The following TLR1 variants were observed in gnomAD, a reference collection of about 807,000 sequenced individuals.
TLR1 encodes toll like receptor 1.
In TLR1, 19 loss-of-function variants were observed where a neutral mutation model predicts 20.2. The ratio of observed to expected loss-of-function variants is 0.94; its 90% CI spans 0.66 to 1.38. The LOEUF (loss-of-function observed/expected upper bound fraction) is 1.38, where lower values mean the gene tolerates loss of function less well. Among genes scored for constraint, TLR1 ranks in the 40% most tolerant of loss-of-function variants. The pLI, the probability that TLR1 is intolerant of heterozygous loss-of-function variation, is 0.00. For synonymous variants in TLR1, 320 were observed against 334.5 expected (o/e 0.96, Z 0.47); for missense variants, 921 against 910.0 (o/e 1.01, Z -0.16).
At chr4:38,789,005 C>T (rs372382728), downstream of TLR1, among the ~76,000 whole-genome samples, 3 of 151,994 alleles carry the variant, frequency 2.0e-5, no homozygotes, top group Admixed American at 6.6e-5. Context: ...GACTCTATCT[C>T]TAAAATAAAT....
chr4:38,805,451 G>C (rs942277761), upstream of TLR1: 2 of 152,138 alleles, frequency 1.3e-5, no homozygotes, highest in African/African-American at 4.8e-5. Flanking sequence ...TTTTCACATA[G>C]GGTTTATAAA....
chr4:38,796,525 C>T lies in TLR1; in HGVS notation c.2307G>A (p.Trp769Ter). 1 of 1,613,944 alleles carries T rather than the reference C, an allele frequency of 6.2e-7. No individual in the cohort carries two copies. The change falls in exon 4 of 4, where the codon TGG (tryptophan) becomes TGA (stop). Residue 769 changes from tryptophan to a stop codon, truncating the protein, a stop_gained. Coordinates refer to ENST00000308979, the MANE Select transcript of TLR1 (RefSeq NM_003263.4). LOFTEE classifies it low-confidence loss of function (END_TRUNC). ...PKEKSKRGLF[W>*]ANLRAAINIK... The stretch of plus-strand genomic sequence containing the variant: ...TATTAATGGCTGCCCTTAAGTTAGC[C>T]CAAAAAAGGCCACGTTTGCTCTTTT...
In TLR1 at chr4:38,796,473, A is replaced by C. The variant is rs1398069330; in HGVS notation, c.2359T>G (p.Ter787GluextTer39). ...NIKLTEQAKK* is the reference protein window; with the variant it reads ...NIKLTEQAKKE ...ATATTTTTCACTTGATGTGTAATCT[A>C]TTTCTTTGCTTGCTCTGTCAGCTTA... Residue 787 changes from the stop codon to glutamate (E), a stop_lost, in exon 4 of 4, where the codon TAG becomes GAG. Coordinates refer to ENST00000308979, the MANE Select transcript of TLR1 (RefSeq NM_003263.4). The C allele has an allele frequency of 6.2e-7, 1 of 1,605,106 alleles. No individual in the cohort carries two copies.
downstream of TLR1, among the ~76,000 whole-genome samples, chr4:38,795,934 G>A (rs750493775): frequency 6.6e-6 from 1 of 152,166 alleles, no homozygotes; most frequent in Non-Finnish European, 1.5e-5. Context: ...CTGTTTCCAA[G>A]GACAATTTCC....
chr4:38,795,048 G>T (rs1451584048), downstream of TLR1, among the ~76,000 whole-genome samples: 1 of 152,218 alleles, frequency 6.6e-6, no homozygotes, highest in African/African-American at 2.4e-5. Flanking sequence ...AAGTTACTGA[G>T]CTGGTTACCC....
Position 38,798,813 on chromosome 4 carries a change from A to G in TLR1, c.19T>C (p.Phe7Leu). The G allele has an allele frequency of 6.3e-7, 1 of 1,598,044 alleles. No individual in the cohort carries two copies. The highest frequency in any genetic ancestry group is 8.5e-7 in the Non-Finnish European group (1 of 1,172,122). Residue 7 changes from phenylalanine (F) to leucine (L), a missense_variant, in exon 4 of 4, where the codon TTT becomes CTT. Coordinates refer to ENST00000308979, the MANE Select transcript of TLR1 (RefSeq NM_003263.4). ...AGTATTAACATGAAGATAATGGCAA[A>G]ATGGAAGATGCTAGTCATTTTGGAA... MTSIFH[F>L]AIIFMLILQI...
At chr4:38,795,156 A>G (rs1437716577), downstream of TLR1, among the ~76,000 whole-genome samples, 1 of 152,190 alleles carries the variant, frequency 6.6e-6, no homozygotes, top group African/African-American at 2.4e-5. Flanking sequence ...AGGAGCATGT[A>G]TATAATGCTT....
rs1454465536 is a variant in TLR1 at position 38,797,118 on chromosome 4, T to C, written c.1714A>G (p.Met572Val). 2 of 1,614,238 alleles carry C rather than the reference T, an allele frequency of 1.2e-6. No individual in the cohort carries two copies. Among genetic ancestry groups the C allele is most frequent in the East Asian group, 2.2e-5 (1 of 44,878 alleles). ...GTTATGTTGCAGGATAATTCAGACATGTGAAAGTCCTTTAGTAGGGTTCCT... is the reference window on the plus strand; with the variant it reads ...GTTATGTTGCAGGATAATTCAGACACGTGAAAGTCCTTTAGTAGGGTTCCT... ...YRGTLLKDFH[M>V]SELSCNITLL... is the part of the protein sequence containing the mutation. The change falls in exon 4 of 4, where the codon ATG (methionine) becomes GTG (valine). Residue 572 changes from methionine to valine, a missense_variant. Met to Val is a conservative substitution (Grantham distance 21). Transcript: ENST00000308979.
At position 38,796,756 on chromosome 4, in the gene TLR1, C is replaced by A. The variant is rs751660047; in HGVS notation, c.2076G>T (p.Lys692Asn). ...AGTTGGGAGACAAAACAAAGATGGACTTGTAACTCTTCTCAATGCAGGTGA... is the reference window on the plus strand; with the variant it reads ...AGTTGGGAGACAAAACAAAGATGGAATTGTAACTCTTCTCAATGCAGGTGA... The part of the protein sequence containing the change: ...NIITCIEKSY[K>N]SIFVLSPNFV... The change falls in exon 4 of 4, where the codon AAG (lysine) becomes AAT (asparagine). Residue 692 changes from lysine (K) to asparagine (N), a missense_variant. Physicochemically the swap from Lys to Asn is moderately conservative, Grantham distance 94 (BLOSUM62 0). Transcript: ENST00000308979. 4.3e-6 allele frequency: 7 copies of A among 1,614,212 alleles called. No homozygotes were observed. In the South Asian group the frequency reaches 7.7e-5, roughly 18 times the overall value.
downstream of TLR1, among the ~76,000 whole-genome samples, chr4:38,789,157 T>C (rs1427376135): frequency 1.3e-5 from 2 of 152,238 alleles, no homozygotes; most frequent in African/African-American, 2.4e-5. Context: ...GTGGAAACAC[T>C]TTACAATGAA....
rs753072398 is a variant in TLR1 at position 38,798,128 on chromosome 4, C to T, written c.704G>A (p.Ser235Asn). ...LEDNKCSYFL[S>N]ILAKLQTNPK... Reference sequence around the variant, plus strand: ...ATTTGTTTGAAGTTTCGCCAGAATACTTAGGAAGTAAGAACATTTGTTATC... The same window carrying T: ...ATTTGTTTGAAGTTTCGCCAGAATATTTAGGAAGTAAGAACATTTGTTATC... Residue 235 changes from serine (S) to asparagine (N), a missense_variant, in exon 4 of 4, where the codon AGT (serine) becomes AAT (asparagine). Coordinates refer to ENST00000308979, the MANE Select transcript of TLR1 (RefSeq NM_003263.4). 1.2e-6 allele frequency: 2 copies of T among 1,613,802 alleles called. No homozygotes were observed. Among genetic ancestry groups the T allele is most frequent in the Admixed American group, 1.7e-5 (1 of 59,982 alleles).
chr4:38,796,783 G>A lies in TLR1; in HGVS notation c.2049C>T (p.Ile683=). The A allele has an allele frequency of 1.2e-6, 2 of 1,614,212 alleles. No homozygotes were observed. Among genetic ancestry groups the A allele is most frequent in the South Asian group, 2.2e-5 (2 of 91,086 alleles). Residue 683 remains isoleucine, a synonymous_variant, in exon 4 of 4, where the codon ATC becomes ATT. Transcript: ENST00000308979. ...TGTAACTCTTCTCAATGCAGGTGAT[G>A]ATATTTTCCACAATGCTCTTGCCAG... ...FVPGKSIVEN[I]ITCIEKSYKS... is the part of the protein sequence containing the mutation.
chr4:38,791,587 T>G (rs1725724251), downstream of TLR1, among the ~76,000 whole-genome samples: 1 of 152,214 alleles, frequency 6.6e-6, no homozygotes, highest in Non-Finnish European at 1.5e-5. Context: ...CTGTTCCCAG[T>G]TTTTCTGTAA....
At position 38,800,918 on chromosome 4, in the gene TLR1, C is replaced by A. The variant is rs1726596267; in HGVS notation, c.-129G>T. ...TGATTTCTTCTAACGAGGAAGAGGG[C>A]CTGGTACCCCTATTAGTGTTCATGA... On this transcript the variant is annotated 5_prime_UTR_variant, in exon 3 of 4. Coordinates refer to ENST00000308979, the MANE Select transcript of TLR1 (RefSeq NM_003263.4). The A allele has an allele frequency of 6.6e-6, 1 of 152,570 alleles. No individual in the cohort carries two copies. The highest frequency in any genetic ancestry group is 1.9e-4 in the East Asian group (1 of 5,198). 9.5% of individuals were successfully genotyped at this position (152,570 alleles called of 1,614,324 possible). A position where few individuals can be genotyped will look rare whatever the true frequency, so the allele number is the denominator to read the frequency against.
Position 38,797,120 on chromosome 4 carries a change from T to C in TLR1, c.1712A>G (p.His571Arg), listed in dbSNP as rs112542063. ...TATGTTGCAGGATAATTCAGACATGTGAAAGTCCTTTAGTAGGGTTCCTCT... is the reference window on the plus strand; with the variant it reads ...TATGTTGCAGGATAATTCAGACATGCGAAAGTCCTTTAGTAGGGTTCCTCT... ...SYRGTLLKDFHMSELSCNITL... is the reference protein window; with the variant it reads ...SYRGTLLKDFRMSELSCNITL... Residue 571 changes from histidine (H) to arginine (R), a missense_variant, in exon 4 of 4, where the codon CAC becomes CGC. By Grantham distance (29) the His-to-Arg change is conservative (BLOSUM62 0). Transcript: ENST00000308979. 6.2e-7 allele frequency: 1 copy of C among 1,614,230 alleles called. No individual in the cohort carries two copies. The highest frequency in any genetic ancestry group is 8.5e-7 in the Non-Finnish European group (1 of 1,180,038).
rs780265798 is a variant in TLR1, at chr4:38,798,277, T to C, written c.555A>G (p.Gln185=). The C allele has an allele frequency of 1.2e-6, 2 of 1,612,044 alleles. No individual in the cohort carries two copies. The highest frequency in any genetic ancestry group is 1.1e-5 in the South Asian group (1 of 90,878). Residue 185 remains glutamine (Q), a synonymous_variant, in exon 4 of 4, where the codon CAA becomes CAG. Coordinates refer to ENST00000308979, the MANE Select transcript of TLR1 (RefSeq NM_003263.4). The part of the protein sequence containing the change: ...YGEKEDPEGL[Q]DFNTESLHIV... Reference sequence around the variant, plus strand: ...TGTGCAGACTCTCAGTGTTAAAGTCTTGAAGGCCCTCAGGGTCTTCTTTTT... The same window carrying C: ...TGTGCAGACTCTCAGTGTTAAAGTCCTGAAGGCCCTCAGGGTCTTCTTTTT...
chr4:38,789,463 T>A (rs1205801655), downstream of TLR1, among the ~76,000 whole-genome samples: 1 of 152,180 alleles, frequency 6.6e-6, no homozygotes, highest in Non-Finnish European at 1.5e-5. Flanking sequence ...CTCAATGGTT[T>A]ACTTTTTTTT....
chr4:38,794,455 C>T (rs1172003053), downstream of TLR1: 20 of 152,138 alleles, frequency 1.3e-4, no homozygotes, highest in Non-Finnish European at 2.9e-5. Context: ...TTCCACACTC[C>T]TATCCTACTG....
downstream of TLR1, among the ~76,000 whole-genome samples, chr4:38,794,131 G>T (rs188995079): frequency 8.1e-4 from 123 of 152,282 alleles, no homozygotes; most frequent in African/African-American, 2.8e-3. Flanking sequence ...TGTTAAAATA[G>T]ACTTTGTTAA....
Sources: allele counts gnomAD v4.1 joint callset (sites outside exome capture counted in the v4.1 genomes callset), GRCh38; gene constraint gnomAD v4.1.1; transcripts MANE v1.5; gene names NCBI Gene and HGNC (gene_info 2026-07-23, HGNC 2026-07-21).